FHIT: variants seen among roughly 807,000 people sequenced by gnomAD.
FHIT encodes bis(5'-adenosyl)-triphosphatase.
Under a neutral mutation model 17.9 loss-of-function variants are expected in FHIT, and 19 were observed. That is an observed-to-expected ratio of 1.06 (90% confidence interval 0.74 to 1.56). The LOEUF is 1.56. Among genes scored for constraint, FHIT ranks in the 40% most tolerant of loss-of-function variants. FHIT has a pLI of 0.00. For missense variants in FHIT, 248 were observed against 189.2 expected, an observed-to-expected ratio of 1.31 and a Z score of -1.82; for synonymous variants, 81 against 69.7, an observed-to-expected ratio of 1.16 and a Z score of -0.81.
chr3:59,810,629 T>A (rs184433109), intron 8 of FHIT, among the ~76,000 whole-genome samples: 10 of 152,284 alleles, frequency 6.6e-5, no homozygotes, highest in African/African-American at 2.2e-4. Flanking sequence ...TACACAGATG[T>A]GTTAATTTAT....
rs528331721 is a variant in FHIT, at chr3:61,211,012, G to A, written c.-212-10347C>T. 3.9e-5 allele frequency among the ~76,000 whole-genome samples: 6 copies of A among 152,150 alleles called. 1 individual carries two copies. Among genetic ancestry groups the A allele is most frequent in the African/African-American group, 1.4e-4 (6 of 41,550 alleles). ...AAACTAGATATTTAAAAATAAAAGT[G>A]GTGGCTGGCAGCCAAGATGGCCGAA... On this transcript the variant is annotated intron_variant, in intron 1 of 9. Transcript: ENST00000492590.
At chr3:60,500,508 G>A (rs557582208) in intron 5 of FHIT, among the ~76,000 whole-genome samples, 1 of 152,008 alleles carries the variant, frequency 6.6e-6, no homozygotes, top group Non-Finnish European at 1.5e-5. Flanking sequence ...GGTGGCTCAC[G>A]CCTGTAATCC....
intron 2 of FHIT, among the ~76,000 whole-genome samples, chr3:61,193,423 C>G (rs1486556409): frequency 6.6e-6 from 1 of 152,206 alleles, no homozygotes; most frequent in Non-Finnish European, 1.5e-5. Flanking sequence ...TGCACAGATA[C>G]AACAGGACTA....
Position 60,820,595 on chromosome 3 carries a change from A to C in FHIT, c.-18+1324T>G, listed in dbSNP as rs59233525. Among the ~76,000 whole-genome samples, 239 of 152,332 alleles carry C rather than the reference A, an allele frequency of 1.6e-3. 2 individuals are homozygous for C. Among genetic ancestry groups the C allele is most frequent in the African/African-American group, 5.6e-3 (232 of 41,578 alleles). On this transcript the variant is annotated intron_variant, in intron 4 of 9. Transcript: ENST00000492590. ...ACAACTCTAGGGGCAATCCTGCCCA[A>C]CTTTGCAAATTTTGCATAAACCGTG...
chr3:60,162,475 TCA>T (rs1449080739), intron 5 of FHIT, among the ~76,000 whole-genome samples: 1 of 152,132 alleles, frequency 6.6e-6, no homozygotes, highest in Non-Finnish European at 1.5e-5. Context: ...CAGTCCAGCC[TCA>T]GTTTCCCTAA....
intron 4 of FHIT, among the ~76,000 whole-genome samples, chr3:60,672,074 T>A (rs1329932673): frequency 6.6e-6 from 1 of 152,240 alleles, no homozygotes; most frequent in Non-Finnish European, 1.5e-5. Flanking sequence ...TGTAGCCACA[T>A]TGGCTTTCTA....
At chr3:59,805,788 C>G (rs901597873) in intron 8 of FHIT, among the ~76,000 whole-genome samples, 2 of 152,114 alleles carry the variant, frequency 1.3e-5, no homozygotes, top group African/African-American at 2.4e-5. Flanking sequence ...TAGGACTATT[C>G]TGAGGCTTCA....
chr3:60,910,841 C>A (rs1553765708), intron 3 of FHIT, among the ~76,000 whole-genome samples: 1 of 152,158 alleles, frequency 6.6e-6, no homozygotes. Flanking sequence ...TGTGAAGATA[C>A]AATAAGGCAC....
At chr3:61,034,723 T>C (rs1381518935) in intron 3 of FHIT, among the ~76,000 whole-genome samples, 1 of 152,218 alleles carries the variant, frequency 6.6e-6, no homozygotes, top group Non-Finnish European at 1.5e-5. Flanking sequence ...AATAGTTTTG[T>C]AGTTTCTCAA....
chr3:60,294,148 A>G (rs1229986792), intron 5 of FHIT, among the ~76,000 whole-genome samples: 1 of 152,174 alleles, frequency 6.6e-6, no homozygotes, highest in Non-Finnish European at 1.5e-5. Flanking sequence ...TAGGGAGTGA[A>G]TATGGGGTCA....
At chr3:59,830,803 A>G (rs1334907472) in intron 8 of FHIT, among the ~76,000 whole-genome samples, 1 of 152,198 alleles carries the variant, frequency 6.6e-6, no homozygotes, top group African/African-American at 2.4e-5. Flanking sequence ...TAAGCACTCC[A>G]GGAGGCTGCA....
chr3:60,567,354 G>T (rs1216290071), intron 4 of FHIT, among the ~76,000 whole-genome samples: 2 of 151,960 alleles, frequency 1.3e-5, no homozygotes, highest in Admixed American at 6.6e-5. Context: ...AAGAAACGGG[G>T]AAAGGATTCT....
intron 5 of FHIT, among the ~76,000 whole-genome samples, chr3:60,534,931 T>C (rs1218511564): frequency 3.9e-5 from 6 of 152,228 alleles, no homozygotes; most frequent in African/African-American, 1.4e-4. Flanking sequence ...ACATCACTTT[T>C]TCTGAGTTTG....
In FHIT at chr3:60,488,796, G is replaced by A. The variant is rs2033946537; in HGVS notation, c.103+48064C>T. ...CTAACTTTCTCTATCAAGTTCAATA[G>A]ATTGAGAGAAAGACCAGTTATCTAA... On this transcript the variant is annotated intron_variant, in intron 5 of 9. Coordinates refer to ENST00000492590, the MANE Select transcript of FHIT (RefSeq NM_002012.4). Among the ~76,000 whole-genome samples, 3 of 152,136 alleles carry A rather than the reference G, an allele frequency of 2.0e-5. 1 individual carries two copies. In the South Asian group the frequency reaches 6.2e-4, roughly 32 times the overall value.
chr3:60,411,025 C>A lies in FHIT; in HGVS notation c.103+125835G>T, dbSNP rs766907147. 5.4e-4 allele frequency among the ~76,000 whole-genome samples: 82 copies of A among 152,170 alleles called. 1 individual carries two copies. The highest frequency in any genetic ancestry group is 2.6e-3 in the Admixed American group (39 of 15,268). On this transcript the variant is annotated intron_variant, in intron 5 of 9. Transcript: ENST00000492590. ...GTGCCAAATGTCAATGTAAAGGAGA[C>A]AAATTTGACAGGAGATGGAGAAGCA...
At chr3:60,731,446 C>A (rs550298358) in intron 4 of FHIT, among the ~76,000 whole-genome samples, 60 of 152,232 alleles carry the variant, frequency 3.9e-4, no homozygotes, top group African/African-American at 1.4e-3. Flanking sequence ...ATGGTTTGAC[C>A]TTTTGACTTG....
chr3:61,134,014 G>C (rs1050466362), intron 2 of FHIT, among the ~76,000 whole-genome samples: 1 of 151,826 alleles, frequency 6.6e-6, no homozygotes, highest in Admixed American at 6.6e-5. Flanking sequence ...CTTTGAACTC[G>C]GGAGGCGGAG....
intron 3 of FHIT, among the ~76,000 whole-genome samples, chr3:60,874,274 C>T (rs191696625): frequency 1.6e-4 from 25 of 152,244 alleles, no homozygotes; most frequent in African/African-American, 5.3e-4. Context: ...GCAGCAGCAT[C>T]GGTCGGCAAT....
chr3:59,921,795 T>G, intron 8 of FHIT, among the ~76,000 whole-genome samples: 1 of 152,188 alleles, frequency 6.6e-6, no homozygotes, highest in East Asian at 1.9e-4. Flanking sequence ...GGTTTCACAC[T>G]TGTATCTTTG....
Sources: gnomAD v4.1 joint callset for allele counts (sites outside exome capture counted in the v4.1 genomes callset) on GRCh38, gnomAD v4.1.1 for gene constraint, MANE v1.5 for transcripts, NCBI Gene and HGNC (gene_info 2026-07-23, HGNC 2026-07-21) for gene names.